The following DENND1A variants were observed in gnomAD, a reference collection of about 807,000 sequenced individuals.
DENND1A encodes DENN domain-containing protein 1A.
Under a neutral mutation model 113.7 loss-of-function variants are expected in DENND1A, and 51 were observed. The observed-to-expected ratio is 0.45, with a 90% CI of 0.36 to 0.57. The LOEUF is 0.57. Ranked by LOEUF, DENND1A falls within the 20% of genes least tolerant of loss-of-function variation. DENND1A has a pLI of 0.00. For missense variants in DENND1A, 1,258 were observed against 1,395.9 expected (o/e 0.90, Z 1.57); for synonymous variants, 565 against 570.8 (o/e 0.99, Z 0.14).
At chr9:123,480,824 C>T (rs1306748281) in intron 13 of DENND1A, among the ~76,000 whole-genome samples, 1 of 152,212 alleles carries the variant, frequency 6.6e-6, no homozygotes, top group African/African-American at 2.4e-5. Context: ...GAATACGCTA[C>T]ACTCTTGTAT....
chr9:123,549,723 A>G (rs1021731180), intron 13 of DENND1A, among the ~76,000 whole-genome samples: 22 of 152,228 alleles, frequency 1.4e-4, no homozygotes, highest in Admixed American at 5.9e-4. Flanking sequence ...TTCTGCAGTT[A>G]TGTAAAAATG....
At chr9:123,928,877 G>C (rs1473176326) in intron 1 of DENND1A, 3 of 985,328 alleles carry the variant, frequency 3.0e-6, no homozygotes, top group Non-Finnish European at 3.6e-6. Context: ...AAGTGTCCTA[G>C]GAAAGTTGTT....
chr9:123,485,650 G>GCA (rs143084365), intron 13 of DENND1A: 84,143 of 127,466 alleles, frequency 0.66, 25,774 homozygotes, highest in East Asian at 0.74. Context: ...ACACACGCGC[G>GCA]CGCGCGCACA....
Position 123,764,452 on chromosome 9 carries a change from A to C in DENND1A, c.182+5062T>G, listed in dbSNP as rs2071297452. On this transcript the variant is annotated intron_variant, in intron 4 of 23. Coordinates refer to ENST00000394215, the MANE Select transcript of DENND1A (RefSeq NM_001352964.2). The surrounding 1 kb of genome is among the most constrained non-coding windows in gnomAD (Gnocchi z 4.1). ...ACATCTCCCAGCCTTTAGTTCCGTA[A>C]GCCTCAAAGCTTCCTTCCACAAACA... Among the ~76,000 whole-genome samples, 1 of 152,196 alleles carries C rather than the reference A, an allele frequency of 6.6e-6. No homozygotes were observed. Among genetic ancestry groups the C allele is most frequent in the African/African-American group, 2.4e-5 (1 of 41,442 alleles).
chr9:123,686,748 T>C (rs995081913), intron 5 of DENND1A, among the ~76,000 whole-genome samples: 1 of 152,374 alleles, frequency 6.6e-6, no homozygotes, highest in South Asian at 2.1e-4. Flanking sequence ...GAACTTTTTC[T>C]AGAAAAACTA....
intron 5 of DENND1A, among the ~76,000 whole-genome samples, chr9:123,722,336 A>G (rs1396546565): frequency 1.3e-5 from 2 of 152,368 alleles, no homozygotes; most frequent in Admixed American, 6.5e-5. Context: ...TAAAAGTTTG[A>G]AAAATTTGCA....
rs1191767913 is a variant in DENND1A at position 123,459,778 on chromosome 9, TTAAA to T, written c.994-1885_994-1882del. Reference sequence around the variant, plus strand: ...ACTATTTTAATGAGTTGCATGAGTGTTAAATTTACTGTCGAGCTTCCGTAAGTTC... The same window carrying T: ...ACTATTTTAATGAGTTGCATGAGTGTTTTACTGTCGAGCTTCCGTAAGTTC... On this transcript the variant is annotated intron_variant, in intron 13 of 23. Transcript: ENST00000394215. Among the ~76,000 whole-genome samples the T allele has an allele frequency of 2.6e-5, 4 of 152,078 alleles. No individual in the cohort carries two copies. The East Asian group carries it at 7.7e-4, about 29-fold the overall frequency.
At chr9:123,606,711 T>G (rs959655482) in intron 11 of DENND1A, among the ~76,000 whole-genome samples, 7 of 152,238 alleles carry the variant, frequency 4.6e-5, no homozygotes, top group African/African-American at 1.4e-4. Context: ...CAACGCTTCT[T>G]TTCACAAAGC....
chr9:123,395,089 C>A (rs369561795), intron 21 of DENND1A, among the ~76,000 whole-genome samples: 12 of 152,260 alleles, frequency 7.9e-5, no homozygotes, highest in African/African-American at 2.9e-4. Flanking sequence ...ACAAAACAGG[C>A]AGTTGAGAAA....
intron 21 of DENND1A, among the ~76,000 whole-genome samples, chr9:123,399,358 T>C (rs139685529): frequency 6.6e-6 from 1 of 152,232 alleles, no homozygotes; most frequent in Non-Finnish European, 1.5e-5. Flanking sequence ...CACCTACCTT[T>C]GACAATCTTT....
At chr9:123,827,595 G>A (rs888792299) in intron 2 of DENND1A, among the ~76,000 whole-genome samples, 4 of 152,040 alleles carry the variant, frequency 2.6e-5, no homozygotes, top group Non-Finnish European at 5.9e-5. Flanking sequence ...GATATGGGCT[G>A]ATTACTGAAG....
chr9:123,570,029 C>G (rs2058270510), intron 12 of DENND1A, among the ~76,000 whole-genome samples: 1 of 152,186 alleles, frequency 6.6e-6, no homozygotes, highest in Non-Finnish European at 1.5e-5. Flanking sequence ...ACCACACACC[C>G]TATGTTCTAG....
intron 13 of DENND1A, among the ~76,000 whole-genome samples, chr9:123,458,818 G>A (rs535149736): frequency 5.1e-4 from 78 of 152,172 alleles, no homozygotes; most frequent in African/African-American, 1.8e-3. Context: ...AAAATTAGCC[G>A]GGTGTGGTGG....
At chr9:123,669,493 G>A (rs749810583) in intron 7 of DENND1A, among the ~76,000 whole-genome samples, 7 of 152,212 alleles carry the variant, frequency 4.6e-5, no homozygotes, top group African/African-American at 7.2e-5. Context: ...AAACAGCTGC[G>A]CCACCCCAGC....
chr9:123,425,567 T>C (rs2131930438), intron 19 of DENND1A, among the ~76,000 whole-genome samples: 1 of 152,360 alleles, frequency 6.6e-6, no homozygotes, highest in East Asian at 1.9e-4. Context: ...CCTCGCCTCT[T>C]CCCCACGTCA....
intron 2 of DENND1A, among the ~76,000 whole-genome samples, chr9:123,842,637 T>C (rs1045587590): frequency 6.6e-6 from 1 of 152,136 alleles, no homozygotes; most frequent in Non-Finnish European, 1.5e-5. Flanking sequence ...ATTTGAAAAC[T>C]TCCCACCAAA....
At chr9:123,471,965 G>A (rs956978468) in intron 13 of DENND1A, among the ~76,000 whole-genome samples, 1 of 152,218 alleles carries the variant, frequency 6.6e-6, no homozygotes, top group Non-Finnish European at 1.5e-5. Flanking sequence ...CCGCCCAGGG[G>A]CTCTGAAGAA....
chr9:123,449,065 C>T (rs976569398), intron 18 of DENND1A, among the ~76,000 whole-genome samples: 1 of 152,188 alleles, frequency 6.6e-6, no homozygotes, highest in Non-Finnish European at 1.5e-5. Context: ...CACCAGAAGT[C>T]GATGGAGCTG....
At chr9:123,426,390 C>T (rs568876577) in intron 19 of DENND1A, among the ~76,000 whole-genome samples, 43 of 152,270 alleles carry the variant, frequency 2.8e-4, no homozygotes, top group African/African-American at 1.0e-3. Context: ...TGGGGTACAG[C>T]TGGTTTGGGA....
Sources: gnomAD v4.1 joint callset for allele counts (sites outside exome capture counted in the v4.1 genomes callset) on GRCh38, gnomAD v4.1.1 for gene constraint, Gnocchi (gnomAD v3.1) non-coding constraint, MANE v1.5 for transcripts, NCBI Gene and HGNC (gene_info 2026-07-23, HGNC 2026-07-21) for gene names.